The following TNS3 variants were observed in gnomAD, a reference collection of about 807,000 sequenced individuals.
TNS3 encodes the protein tensin 3.
TNS3 carries 45 observed loss-of-function variants against 140.9 expected under a neutral mutation model. The observed-to-expected ratio is 0.32, with a 90% CI of 0.25 to 0.41. The LOEUF is 0.41. TNS3 is among the 10% of genes least tolerant of loss of function. TNS3 has a pLI of 1.00. For synonymous variants in TNS3, 815 were observed against 788.4 expected, an observed-to-expected ratio of 1.03 and a Z score of -0.56; for missense variants, 1,716 against 1,906.7, an observed-to-expected ratio of 0.90 and a Z score of 1.86.
chr7:47,460,027 C>G (rs1796415648), intron 4 of TNS3, among the ~76,000 whole-genome samples: 1 of 151,990 alleles, frequency 6.6e-6, no homozygotes, highest in Admixed American at 6.6e-5. Context: ...TCCTGGCTAA[C>G]ACGGTGAAAC....
At chr7:47,330,565 A>C (rs1203284624) in intron 20 of TNS3, among the ~76,000 whole-genome samples, 2 of 152,124 alleles carry the variant, frequency 1.3e-5, no homozygotes, top group African/African-American at 4.8e-5. Context: ...ACATCCTTCA[A>C]ATGCAGGTGA....
intron 24 of TNS3, among the ~76,000 whole-genome samples, chr7:47,296,240 A>C (rs143049448): frequency 6.6e-6 from 1 of 152,222 alleles, no homozygotes; most frequent in Non-Finnish European, 1.5e-5. Context: ...TAGGATTTTC[A>C]TAAGATAGAA....
At chr7:47,406,059 T>C (rs1793433011) in intron 13 of TNS3, among the ~76,000 whole-genome samples, 1 of 152,170 alleles carries the variant, frequency 6.6e-6, no homozygotes, top group Non-Finnish European at 1.5e-5. Flanking sequence ...GCTGCCCGCA[T>C]GAATTCCTGA....
At chr7:47,519,854 C>T (rs1181291476) in intron 2 of TNS3, among the ~76,000 whole-genome samples, 10 of 115,432 alleles carry the variant, frequency 8.7e-5, no homozygotes, top group African/African-American at 2.0e-4. Context: ...GACGGAGTCT[C>T]GCTCTGTTGC....
intron 13 of TNS3, among the ~76,000 whole-genome samples, chr7:47,410,311 C>T (rs1174315530): frequency 1.3e-5 from 2 of 152,202 alleles, no homozygotes; most frequent in Non-Finnish European, 2.9e-5. Context: ...GCTGAGGAAA[C>T]GGGCCTATAA....
intron 1 of TNS3, among the ~76,000 whole-genome samples, chr7:47,550,741 A>C (rs910421240): frequency 1.3e-5 from 2 of 152,262 alleles, no homozygotes; most frequent in African/African-American, 4.8e-5. Context: ...TTTAATAGCC[A>C]GCAACTGGGC....
intron 3 of TNS3, among the ~76,000 whole-genome samples, chr7:47,482,265 T>C (rs2964955): frequency 0.61 from 92,740 of 152,190 alleles, 31,084 homozygotes; most frequent in Non-Finnish European, 0.73. Flanking sequence ...AATCTTGGCT[T>C]TTACCAGGAT....
At chr7:47,543,258 T>C (rs541580936) in intron 1 of TNS3, among the ~76,000 whole-genome samples, 1 of 152,346 alleles carries the variant, frequency 6.6e-6, no homozygotes, top group Non-Finnish European at 1.5e-5. Flanking sequence ...ACTCACCCTC[T>C]GGGACATTCA....
intron 27 of TNS3, among the ~76,000 whole-genome samples, chr7:47,286,862 T>G (rs749943944): frequency 6.6e-6 from 1 of 152,144 alleles, no homozygotes; most frequent in Non-Finnish European, 1.5e-5. Flanking sequence ...GTAAACTTAT[T>G]ATGCTAAGAG....
chr7:47,331,487 A>G (rs549939242), intron 20 of TNS3, among the ~76,000 whole-genome samples: 21 of 152,162 alleles, frequency 1.4e-4, no homozygotes, highest in Admixed American at 7.9e-4. Flanking sequence ...CAGTAACCCA[A>G]TCTCATGCTC....
chr7:47,398,937 C>T (rs1006798403), intron 15 of TNS3, among the ~76,000 whole-genome samples: 3 of 152,078 alleles, frequency 2.0e-5, no homozygotes, highest in Admixed American at 1.3e-4. Context: ...AAAAACTCCT[C>T]CAAAAGACTT....
intron 27 of TNS3, among the ~76,000 whole-genome samples, chr7:47,290,550 ACACCT>A (rs1238845747): frequency 6.6e-6 from 1 of 152,238 alleles, no homozygotes; most frequent in Non-Finnish European, 1.5e-5. Context: ...GCCTTTATGG[ACACCT>A]CACCAAAGAA....
chr7:47,355,677 C>A (rs1274814637), intron 17 of TNS3, among the ~76,000 whole-genome samples: 1 of 152,224 alleles, frequency 6.6e-6, no homozygotes, highest in Non-Finnish European at 1.5e-5. Flanking sequence ...CAACTTTCCA[C>A]CTTGTCCAAA....
At chr7:47,431,232 G>A (rs923150622) in intron 8 of TNS3, among the ~76,000 whole-genome samples, 1 of 152,320 alleles carries the variant, frequency 6.6e-6, no homozygotes, top group Non-Finnish European at 1.5e-5. Flanking sequence ...TGCAGCAAAA[G>A]CAGTTGTAAG....
At chr7:47,297,697 C>T (rs1786122158) in intron 23 of TNS3, among the ~76,000 whole-genome samples, 2 of 151,966 alleles carry the variant, frequency 1.3e-5, no homozygotes, top group Admixed American at 1.3e-4. Context: ...CACCCTGCCT[C>T]TGCTTGGACA....
chr7:47,579,859 C>T, intron 1 of TNS3: 1 of 985,384 alleles, frequency 1.0e-6, no homozygotes, highest in Non-Finnish European at 1.2e-6. Context: ...ATACTGCCTC[C>T]TCCTCAGGTC....
intron 4 of TNS3, among the ~76,000 whole-genome samples, chr7:47,463,702 CAAGG>C (rs1389541699): frequency 1.3e-5 from 2 of 152,162 alleles, no homozygotes; most frequent in East Asian, 3.9e-4. Context: ...TGAGTTGAAA[CAAGG>C]AAGAGCTTTG....
intron 12 of TNS3, among the ~76,000 whole-genome samples, chr7:47,412,218 T>C (rs1278203183): frequency 1.3e-5 from 2 of 152,264 alleles, no homozygotes; most frequent in Admixed American, 6.5e-5. Context: ...GTAATGAGAA[T>C]ATTTGTTTCC....
chr7:47,388,414 T>C lies in TNS3; in HGVS notation c.1024+8386A>G, dbSNP rs1792198619. 2.0e-5 allele frequency among the ~76,000 whole-genome samples: 3 copies of C among 152,156 alleles called. No homozygotes were observed. The South Asian group carries it at 6.2e-4, about 31-fold the overall frequency. The stretch of plus-strand genomic sequence containing the variant: ...ATAGGTGGGAATTAGAGTCCAAAGA[T>C]CTGCAGCTTTGGGGAAGGAATGTAG... On this transcript the variant is annotated intron_variant, in intron 16 of 30. Transcript: ENST00000311160.
Sources: allele counts gnomAD v4.1 joint callset (sites outside exome capture counted in the v4.1 genomes callset), GRCh38; gene constraint gnomAD v4.1.1; transcripts MANE v1.5; gene names NCBI Gene and HGNC (gene_info 2026-07-23, HGNC 2026-07-21).